Variants in SESTD1 observed in about 807,000 individuals in gnomAD.
The protein encoded by SESTD1 is SEC14 domain and spectrin repeat-containing protein 1.
A neutral mutation model predicts 101.7 loss-of-function variants in SESTD1; 43 were observed. That is an observed-to-expected ratio of 0.42 (90% CI 0.33 to 0.55). The LOEUF is 0.55. SESTD1 is among the 20% of genes least tolerant of loss of function. SESTD1 has a pLI of 0.07. For missense variants in SESTD1, 647 were observed against 815.1 expected, an observed-to-expected ratio of 0.79 and a Z score of 2.51; for synonymous variants, 283 against 286.8, an observed-to-expected ratio of 0.99 and a Z score of 0.13.
At chr2:179,135,304 T>C (rs899504287) in intron 9 of SESTD1, among the ~76,000 whole-genome samples, 1 of 152,186 alleles carries the variant, frequency 6.6e-6, no homozygotes, top group African/African-American at 2.4e-5. Flanking sequence ...TCTTTCCATA[T>C]TTTTTAAAGA....
In SESTD1 at chr2:179,207,449, A is replaced by T. The variant is rs1260381855; in HGVS notation, c.-25-15583T>A. Among the ~76,000 whole-genome samples, 6 of 134,640 alleles carry T rather than the reference A, an allele frequency of 4.5e-5. 2 individuals are homozygous for T. The highest frequency in any genetic ancestry group is 1.8e-4 in the African/African-American group (6 of 34,008). 88.3% of individuals were successfully genotyped at this position (134,640 alleles called of 152,430 possible). A position where few individuals can be genotyped will look rare whatever the true frequency, so the allele number is the denominator to read the frequency against. ...ATTCAGGAAAACCAGCACCAAACAAAACTAAAATCAAGGACTCCCACAGAG... is the reference window on the plus strand; with the variant it reads ...ATTCAGGAAAACCAGCACCAAACAATACTAAAATCAAGGACTCCCACAGAG... On this transcript the variant is annotated intron_variant, in intron 1 of 17. Transcript: ENST00000428443.
intron 1 of SESTD1, among the ~76,000 whole-genome samples, chr2:179,217,922 C>A (rs1427192915): frequency 6.6e-6 from 1 of 151,462 alleles, no homozygotes; most frequent in Non-Finnish European, 1.5e-5. Flanking sequence ...TAGGTGGAAA[C>A]TGAACAACGA....
rs920141581 is a variant in SESTD1 at position 179,107,096 on chromosome 2, C to T, written c.*2803G>A. Reference sequence around the variant, plus strand: ...TACAAATGAGTGGTTCTTTCAGAGACTTGCAAGCTGATGTTAATTTATGAC... The same window carrying T: ...TACAAATGAGTGGTTCTTTCAGAGATTTGCAAGCTGATGTTAATTTATGAC... On this transcript the variant is annotated 3_prime_UTR_variant, in exon 18 of 18. Coordinates refer to ENST00000428443, the MANE Select transcript of SESTD1 (RefSeq NM_178123.5). 2 of 152,144 alleles carry T rather than the reference C, an allele frequency of 1.3e-5. No individual in the cohort carries two copies. Among genetic ancestry groups the T allele is most frequent in the African/African-American group, 4.8e-5 (2 of 41,434 alleles). The allele number at this position is 152,144 out of a possible 1,614,324, so 9.4% of individuals were successfully genotyped here.
chr2:179,156,085 C>T (rs1193479099), intron 5 of SESTD1, among the ~76,000 whole-genome samples: 1 of 151,764 alleles, frequency 6.6e-6, no homozygotes, highest in African/African-American at 2.4e-5. Flanking sequence ...CTTTTTATGG[C>T]TGAGTAGTAT....
At chr2:179,110,713 A>G (rs1260814067) in intron 17 of SESTD1, among the ~76,000 whole-genome samples, 3 of 152,324 alleles carry the variant, frequency 2.0e-5, no homozygotes, top group African/African-American at 7.2e-5. Context: ...AGAAGGTATA[A>G]AAGAGAAATC....
chr2:179,235,961 C>T (rs568074333), intron 1 of SESTD1, among the ~76,000 whole-genome samples: 11 of 152,234 alleles, frequency 7.2e-5, no homozygotes, highest in Non-Finnish European at 2.9e-5. Flanking sequence ...CATGCTTTAA[C>T]CCTATCTTAG....
At chr2:179,126,149 T>A (rs547661195) in intron 10 of SESTD1, among the ~76,000 whole-genome samples, 19 of 152,322 alleles carry the variant, frequency 1.2e-4, no homozygotes, top group African/African-American at 4.6e-4. Context: ...TAAAAAAAAT[T>A]TTTTTCTTAA....
chr2:179,198,321 T>A (rs1303654832), intron 1 of SESTD1, among the ~76,000 whole-genome samples: 5 of 152,154 alleles, frequency 3.3e-5, no homozygotes, highest in Admixed American at 3.3e-4. Context: ...CTGAGTGACC[T>A]ACAAAGAGAC....
At chr2:179,245,153 G>C (rs2047210479) in intron 1 of SESTD1, among the ~76,000 whole-genome samples, 2 of 152,146 alleles carry the variant, frequency 1.3e-5, no homozygotes, top group African/African-American at 4.8e-5. Flanking sequence ...CCAGGAGTTT[G>C]AGACCAGCCT....
chr2:179,162,154 T>A (rs1274335645), intron 5 of SESTD1, among the ~76,000 whole-genome samples: 10 of 152,154 alleles, frequency 6.6e-5, no homozygotes, highest in Admixed American at 2.0e-4. Context: ...AAACTGATTA[T>A]GATTTCCAGC....
intron 5 of SESTD1, among the ~76,000 whole-genome samples, 197 bp downstream of exon 5, chr2:179,171,923 T>C (rs1053804023): frequency 9.2e-5 from 14 of 152,184 alleles, no homozygotes; most frequent in African/African-American, 3.4e-4. Flanking sequence ...ACAAGAAAGC[T>C]TTCATGATCT....
At chr2:179,171,090 C>T (rs939802751) in intron 5 of SESTD1, among the ~76,000 whole-genome samples, 2 of 152,122 alleles carry the variant, frequency 1.3e-5, no homozygotes, top group African/African-American at 2.4e-5. Context: ...GAGAAGTTAA[C>T]TATAGGAGCA....
chr2:179,153,092 TAA>T (rs555231033), intron 5 of SESTD1, among the ~76,000 whole-genome samples: 8 of 152,152 alleles, frequency 5.3e-5, no homozygotes, highest in Non-Finnish European at 7.4e-5. Flanking sequence ...AGCAATGGTT[TAA>T]AAGACATTAA....
intron 1 of SESTD1, among the ~76,000 whole-genome samples, chr2:179,212,257 G>T (rs1224969679): frequency 7.4e-6 from 1 of 134,992 alleles, no homozygotes; most frequent in Non-Finnish European, 1.6e-5. Context: ...GGGAAGCCAT[G>T]ACAGACTGTA....
chr2:179,150,631 C>A lies in SESTD1; in HGVS notation c.483+647G>T, dbSNP rs1018053271. On this transcript the variant is annotated intron_variant, in intron 6 of 17. Transcript: ENST00000428443. ...GGTCAAGAGTTTGAGATCAGCCTGA[C>A]CAACATGGTGAAACCCCGTCTCTGC... 1.6e-4 allele frequency among the ~76,000 whole-genome samples: 25 copies of A among 151,958 alleles called. 2 individuals carry two copies. The highest frequency in any genetic ancestry group is 1.6e-3 in the Admixed American group (25 of 15,240).
chr2:179,117,872 A>T (rs2044668013), intron 13 of SESTD1, among the ~76,000 whole-genome samples: 1 of 152,240 alleles, frequency 6.6e-6, no homozygotes, highest in Non-Finnish European at 1.5e-5. Context: ...ATATTAAAGC[A>T]AAATGTAAGG....
rs148147168 is a variant in SESTD1 at position 179,127,351 on chromosome 2, G to A, written c.973-2793C>T. ...AAAATCTATACCTATATTGCTTTCC[G>A]CTCCCCAACTTGAATGTAAATTCCA... On this transcript the variant is annotated intron_variant, in intron 10 of 17. Transcript: ENST00000428443. 1.1e-3 allele frequency among the ~76,000 whole-genome samples: 169 copies of A among 152,164 alleles called. 1 individual carries two copies. The highest frequency in any genetic ancestry group is 3.8e-3 in the African/African-American group (156 of 41,506).
In SESTD1 at chr2:179,140,693, A is replaced by G. The variant is rs1252250207; in HGVS notation, c.849+2899T>C. The stretch of plus-strand genomic sequence containing the variant: ...CTTGTCTATACTCATTGCTTCCTTC[A>G]CCACACCTCCCTTTCATTCCTGAAT... On this transcript the variant is annotated intron_variant, in intron 9 of 17. Coordinates refer to ENST00000428443, the MANE Select transcript of SESTD1 (RefSeq NM_178123.5). Among the ~76,000 whole-genome samples the G allele has an allele frequency of 2.0e-5, 3 of 152,092 alleles. No homozygotes were observed. The East Asian group carries it at 5.8e-4, about 29-fold the overall frequency.
intron 1 of SESTD1, among the ~76,000 whole-genome samples, chr2:179,231,157 T>C (rs2046981677): frequency 6.6e-6 from 1 of 152,188 alleles, no homozygotes; most frequent in Non-Finnish European, 1.5e-5. Flanking sequence ...CCATGAGTTC[T>C]TCTTAAGAAA....
Sources: gnomAD v4.1 joint callset for allele counts (sites outside exome capture counted in the v4.1 genomes callset) on GRCh38, gnomAD v4.1.1 for gene constraint, MANE v1.5 for transcripts, NCBI Gene and HGNC (gene_info 2026-07-23, HGNC 2026-07-21) for gene names.